The following ERC1 variants were observed in gnomAD, a reference collection of about 807,000 sequenced individuals.
The protein encoded by ERC1 is ELKS/RAB6-interacting/CAST family member 1.
A neutral mutation model predicts 132.0 loss-of-function variants in ERC1; 56 were observed. The observed-to-expected ratio is 0.42, with a 90% CI of 0.34 to 0.53. The LOEUF (loss-of-function observed/expected upper bound fraction) is 0.53, where lower values mean the gene tolerates loss of function less well. Ranked by LOEUF, ERC1 falls within the 20% of genes least tolerant of loss-of-function variation. The pLI is 0.03. For missense variants in ERC1, 1,202 were observed against 1,349.9 expected, an observed-to-expected ratio of 0.89 and a Z score of 1.72; for synonymous variants, 478 against 476.1, an observed-to-expected ratio of 1.00 and a Z score of -0.05.
intron 8 of ERC1, among the ~76,000 whole-genome samples, chr12:1,160,000 T>C (rs11831916): frequency 2.8e-4 from 43 of 152,346 alleles, no homozygotes; most frequent in African/African-American, 9.4e-4. Context: ...TTTATTCTCA[T>C]TAAATTTCAT....
chr12:1,193,479 TAC>T (rs1955932688), intron 12 of ERC1, among the ~76,000 whole-genome samples: 2 of 151,838 alleles, frequency 1.3e-5, no homozygotes, highest in African/African-American at 2.4e-5. Flanking sequence ...AATACATATA[TAC>T]ACACATATAT....
At chr12:1,470,814 A>G (rs2093845478) in intron 18 of ERC1, among the ~76,000 whole-genome samples, 1 of 152,234 alleles carries the variant, frequency 6.6e-6, no homozygotes, top group African/African-American at 2.4e-5. Flanking sequence ...AAAGACTTCC[A>G]GAGTCCATCC....
intron 2 of ERC1, among the ~76,000 whole-genome samples, chr12:1,073,798 ACAT>A (rs1940853516): frequency 6.6e-6 from 1 of 152,198 alleles, no homozygotes; most frequent in South Asian, 2.1e-4. Flanking sequence ...ATTTACACTA[ACAT>A]CATTGCAAAC....
At chr12:1,285,226 A>G (rs2078965529) in intron 14 of ERC1, among the ~76,000 whole-genome samples, 1 of 152,196 alleles carries the variant, frequency 6.6e-6, no homozygotes, top group Non-Finnish European at 1.5e-5. Flanking sequence ...TTCTCAGGTC[A>G]GGGGATGAAC....
At chr12:1,210,616 T>C (rs1008985249) in intron 12 of ERC1, among the ~76,000 whole-genome samples, 3 of 152,234 alleles carry the variant, frequency 2.0e-5, no homozygotes, top group African/African-American at 7.2e-5. Flanking sequence ...TACTTCGCTT[T>C]CCTTCATTAA....
intron 18 of ERC1, among the ~76,000 whole-genome samples, chr12:1,454,389 G>T (rs910900218): frequency 7.2e-5 from 11 of 152,136 alleles, no homozygotes; most frequent in Admixed American, 7.2e-4. Context: ...AACCTAATCC[G>T]AGGAAGAGAT....
At position 1,065,463 on chromosome 12, in the gene ERC1, C is replaced by T. The variant is rs569465437; in HGVS notation, c.670-17701C>T. Among the ~76,000 whole-genome samples the T allele has an allele frequency of 9.9e-4, 124 of 125,700 alleles. 1 individual carries two copies. The highest frequency in any genetic ancestry group is 1.4e-3 in the South Asian group (5 of 3,658). 82.5% of individuals were successfully genotyped at this position (125,700 alleles called of 152,430 possible). A position where few individuals can be genotyped will look rare whatever the true frequency, so the allele number is the denominator to read the frequency against. On this transcript the variant is annotated intron_variant, in intron 2 of 18. Coordinates refer to ENST00000360905, the MANE Select transcript of ERC1 (RefSeq NM_178040.4). ...AATTTTTCACTGATGAATTGTTTTC[C>T]TATTTCTTTGTACCGTTTGTGTGTG... is the stretch of plus-strand genomic sequence containing the variant.
At chr12:1,468,529 G>C (rs2093792801) in intron 18 of ERC1, among the ~76,000 whole-genome samples, 1 of 152,196 alleles carries the variant, frequency 6.6e-6, no homozygotes, top group Non-Finnish European at 1.5e-5. Context: ...TAGAACCCGG[G>C]AGGTGGAGGT....
At chr12:1,384,735 G>A (rs2154379820) in intron 16 of ERC1, among the ~76,000 whole-genome samples, 1 of 152,246 alleles carries the variant, frequency 6.6e-6, no homozygotes, top group African/African-American at 2.4e-5. Flanking sequence ...AAATTGTTGA[G>A]CTTTAATACT....
intron 3 of ERC1, among the ~76,000 whole-genome samples, chr12:1,092,981 T>C (rs1200232835): frequency 1.3e-5 from 2 of 152,118 alleles, no homozygotes; most frequent in East Asian, 3.8e-4. Context: ...AAACCCTAAA[T>C]TTATGATAAA....
At chr12:1,092,513 T>G (rs1355367048) in intron 3 of ERC1, among the ~76,000 whole-genome samples, 1 of 152,376 alleles carries the variant, frequency 6.6e-6, no homozygotes, top group Non-Finnish European at 1.5e-5. Context: ...CATGTTAACT[T>G]TGTTGTTCAG....
At position 1,083,402 on chromosome 12, in the gene ERC1, A is replaced by G. The variant is rs148545736; in HGVS notation, c.908A>G (p.Asn303Ser). 1,596 of 1,614,068 alleles carry G rather than the reference A, an allele frequency of 9.9e-4. 1 individual carries two copies. Among genetic ancestry groups the G allele is most frequent in the Non-Finnish European group, 1.3e-3 (1,500 of 1,180,034 alleles). The stretch of plus-strand genomic sequence containing the variant: ...ATTGAGACTCAAAAGCAGACCCTAA[A>G]TGCTCGGGATGAATCCATTAAGAAG... ...LRIETQKQTL[N>S]ARDESIKKLL... Residue 303 changes from asparagine (N) to serine (S), a missense_variant, in exon 3 of 19, where the codon AAT becomes AGT. Coordinates refer to ENST00000360905, the MANE Select transcript of ERC1 (RefSeq NM_178040.4).
chr12:1,480,030 G>A (rs2094056007), intron 18 of ERC1, among the ~76,000 whole-genome samples: 3 of 151,500 alleles, frequency 2.0e-5, no homozygotes, highest in Non-Finnish European at 4.4e-5. Context: ...TTGTACATGT[G>A]TCATTCCAAC....
chr12:1,192,213 A>G (rs1232084599), intron 12 of ERC1, among the ~76,000 whole-genome samples: 3 of 152,208 alleles, frequency 2.0e-5, no homozygotes, highest in African/African-American at 7.2e-5. Context: ...CTTAAGTAGA[A>G]GTGGTTATAT....
intron 17 of ERC1, among the ~76,000 whole-genome samples, chr12:1,424,942 G>A (rs752908448): frequency 6.6e-6 from 1 of 152,058 alleles, no homozygotes; most frequent in Non-Finnish European, 1.5e-5. Context: ...GTCGATAATA[G>A]CTCACTAACG....
intron 7 of ERC1, among the ~76,000 whole-genome samples, chr12:1,122,217 ATCTC>A (rs1324321089): frequency 0.013 from 442 of 33,832 alleles, no homozygotes; most frequent in Middle Eastern, 0.038. Flanking sequence ...CTCTATCTCT[ATCTC>A]TATCTCTATC....
intron 7 of ERC1, among the ~76,000 whole-genome samples, chr12:1,135,300 T>C (rs1949143149): frequency 6.6e-6 from 1 of 152,230 alleles, no homozygotes; most frequent in South Asian, 2.1e-4. Context: ...GTCACTTCTG[T>C]TATAAGCTTA....
intron 5 of ERC1, 124 bp downstream of exon 5, chr12:1,110,471 T>G: frequency 1.6e-6 from 1 of 627,946 alleles, no homozygotes; most frequent in South Asian, 3.8e-5. Context: ...GGAAGAATAC[T>G]TTTAGCATAG....
intron 18 of ERC1, among the ~76,000 whole-genome samples, chr12:1,458,773 G>C (rs1045858510): frequency 7.9e-5 from 12 of 152,206 alleles, no homozygotes; most frequent in African/African-American, 2.6e-4. Flanking sequence ...CCTGACCTCA[G>C]GTGACCCACC....
Sources: gnomAD v4.1 joint callset for allele counts (sites outside exome capture counted in the v4.1 genomes callset) on GRCh38, gnomAD v4.1.1 for gene constraint, MANE v1.5 for transcripts, NCBI Gene and HGNC (gene_info 2026-07-23, HGNC 2026-07-21) for gene names.